Variants in KCNQ5 observed in about 807,000 individuals in gnomAD.
The protein encoded by KCNQ5 is potassium voltage-gated channel subfamily KQT member 5.
In KCNQ5, 30 loss-of-function variants were observed where a neutral mutation model predicts 98.2. That is an observed-to-expected ratio of 0.31 (90% CI 0.23 to 0.41). KCNQ5 has a LOEUF of 0.41. Ranked by LOEUF, KCNQ5 falls within the 10% of genes least tolerant of loss-of-function variation. The pLI, the probability that KCNQ5 is intolerant of heterozygous loss-of-function variation, is 1.00. For missense variants in KCNQ5, 835 were observed against 1,182.5 expected, an observed-to-expected ratio of 0.71 and a Z score of 4.31; for synonymous variants, 458 against 449.4, an observed-to-expected ratio of 1.02 and a Z score of -0.24.
chr6:73,014,590 G>A (rs1770231612), intron 2 of KCNQ5, among the ~76,000 whole-genome samples: 1 of 152,078 alleles, frequency 6.6e-6, no homozygotes, highest in Admixed American at 6.6e-5. Flanking sequence ...AGGTAGCAAA[G>A]TAAACATGGG....
chr6:73,136,358 A>G (rs913244198), intron 10 of KCNQ5, among the ~76,000 whole-genome samples: 1 of 152,246 alleles, frequency 6.6e-6, no homozygotes, highest in Middle Eastern at 3.2e-3. Flanking sequence ...AGAATTTTTC[A>G]CAGTATCTAG....
At chr6:72,943,737 G>T (rs369692207) in intron 1 of KCNQ5, among the ~76,000 whole-genome samples, 2 of 152,154 alleles carry the variant, frequency 1.3e-5, no homozygotes, top group African/African-American at 2.4e-5. Context: ...TCTTGAGGAA[G>T]TTACTTCTCT....
chr6:72,849,305 A>T (rs1015666312), intron 1 of KCNQ5, among the ~76,000 whole-genome samples: 2 of 152,170 alleles, frequency 1.3e-5, no homozygotes, highest in African/African-American at 4.8e-5. Flanking sequence ...GTAGATACCA[A>T]GTAGTGGGAT....
At chr6:72,771,542 G>A (rs1189842566) in intron 1 of KCNQ5, among the ~76,000 whole-genome samples, 1 of 151,966 alleles carries the variant, frequency 6.6e-6, no homozygotes, top group Non-Finnish European at 1.5e-5. Flanking sequence ...CTGCTGATTA[G>A]TGATGTAGAG....
chr6:72,957,170 C>CTTTT (rs11374806), intron 1 of KCNQ5, among the ~76,000 whole-genome samples: 4 of 125,342 alleles, frequency 3.2e-5, no homozygotes, highest in South Asian at 2.7e-4. Context: ...ATGTAGGAAG[C>CTTTT]TTTTTTTTTT....
intron 3 of KCNQ5, among the ~76,000 whole-genome samples, chr6:73,067,307 T>G (rs1773096930): frequency 6.6e-6 from 1 of 152,204 alleles, no homozygotes. Flanking sequence ...ATTCTTGGAC[T>G]TTCTTAGTAT....
intron 1 of KCNQ5, among the ~76,000 whole-genome samples, chr6:72,742,400 C>T (rs1198138256): frequency 6.6e-6 from 1 of 152,176 alleles, no homozygotes; most frequent in Non-Finnish European, 1.5e-5. Flanking sequence ...TCTACTTGAT[C>T]TGCTCACATA....
chr6:73,068,673 A>G (rs1475641534), intron 3 of KCNQ5, among the ~76,000 whole-genome samples: 1 of 152,220 alleles, frequency 6.6e-6, no homozygotes, highest in African/African-American at 2.4e-5. Flanking sequence ...GAGGCACATG[A>G]GCACCACAGC....
At chr6:72,659,571 G>C (rs1422839230) in intron 1 of KCNQ5, among the ~76,000 whole-genome samples, 2 of 152,190 alleles carry the variant, frequency 1.3e-5, no homozygotes, top group East Asian at 1.9e-4. Context: ...TTCCAAGATG[G>C]TGCCTTGTTA....
intron 1 of KCNQ5, among the ~76,000 whole-genome samples, chr6:72,845,981 G>T (rs1777001281): frequency 6.6e-6 from 1 of 152,034 alleles, no homozygotes; most frequent in Non-Finnish European, 1.5e-5. Flanking sequence ...GGAGACTGAG[G>T]GTCAGAGAGG....
chr6:73,106,642 C>T lies in KCNQ5; in HGVS notation c.1029+1275C>T, dbSNP rs182249916. On this transcript the variant is annotated intron_variant, in intron 6 of 13. Coordinates refer to ENST00000370398, the MANE Select transcript of KCNQ5 (RefSeq NM_019842.4). ...ACACCAGTCATATTTGATTAGGGTC[C>T]ATCCTAATGACCTCGTTTTAACTTG... Among the ~76,000 whole-genome samples the T allele has an allele frequency of 2.6e-5, 4 of 152,300 alleles. No homozygotes were observed. In the East Asian group the frequency reaches 7.7e-4, roughly 29 times the overall value.
chr6:73,103,479 C>T (rs1419614484), intron 5 of KCNQ5, among the ~76,000 whole-genome samples: 1 of 22,792 alleles, frequency 4.4e-5, no homozygotes, highest in Non-Finnish European at 7.7e-5. Context: ...ATACTGGGGC[C>T]TGTCATGGGG....
At chr6:73,083,390 T>C (rs777522768) in intron 5 of KCNQ5, among the ~76,000 whole-genome samples, 1 of 151,890 alleles carries the variant, frequency 6.6e-6, no homozygotes, top group African/African-American at 2.4e-5. Flanking sequence ...AAATCAGGGG[T>C]GAACACACAA....
chr6:72,959,502 C>A (rs941298551), intron 1 of KCNQ5, among the ~76,000 whole-genome samples: 8 of 152,168 alleles, frequency 5.3e-5, no homozygotes, highest in African/African-American at 1.7e-4. Context: ...CTCCTTAATT[C>A]TAGAAATAAT....
chr6:73,158,264 T>TGTTGTTG (rs1228842831), intron 10 of KCNQ5: 2 of 162,152 alleles, frequency 1.2e-5, no homozygotes, highest in Non-Finnish European at 2.7e-5. Flanking sequence ...ATTTTTTTTT[T>TGTTGTTG]TTTTTTTTTT....
At chr6:73,086,671 G>A (rs1774000095) in intron 5 of KCNQ5, among the ~76,000 whole-genome samples, 1 of 152,132 alleles carries the variant, frequency 6.6e-6, no homozygotes, top group African/African-American at 2.4e-5. Flanking sequence ...AGATGTTGGG[G>A]AAATAAAGAG....
At chr6:72,876,558 A>G (rs181692545) in intron 1 of KCNQ5, among the ~76,000 whole-genome samples, 1 of 152,330 alleles carries the variant, frequency 6.6e-6, no homozygotes, top group African/African-American at 2.4e-5. Context: ...CTTTTTAAGT[A>G]TTTCAATTAA....
intron 1 of KCNQ5, among the ~76,000 whole-genome samples, chr6:72,755,136 G>T (rs76269886): frequency 0.021 from 3,207 of 151,898 alleles, 114 homozygotes; most frequent in African/African-American, 0.069. Flanking sequence ...TACTTTTTCT[G>T]ATAGTAATAC....
chr6:73,088,126 A>G (rs1774068992), intron 5 of KCNQ5, among the ~76,000 whole-genome samples: 1 of 150,112 alleles, frequency 6.7e-6, no homozygotes, highest in Non-Finnish European at 1.5e-5. Flanking sequence ...GATTCAATCA[A>G]TTCCCCTGCC....
Sources: allele counts gnomAD v4.1 joint callset (sites outside exome capture counted in the v4.1 genomes callset), GRCh38; gene constraint gnomAD v4.1.1; transcripts MANE v1.5; gene names NCBI Gene and HGNC (gene_info 2026-07-23, HGNC 2026-07-21).